Variants in DCBLD1 observed in about 807,000 individuals in gnomAD.
DCBLD1 encodes the protein discoidin, CUB and LCCL domain containing 1, also known as discoidin, CUB and LCCL domain-containing protein 1.
A neutral mutation model predicts 71.5 loss-of-function variants in DCBLD1; 57 were observed. The observed-to-expected ratio is 0.80, with a 90% CI of 0.64 to 0.99. The LOEUF is 0.99. Ranked by LOEUF, DCBLD1 falls within the 50% of genes least tolerant of loss-of-function variation. The pLI, the probability that DCBLD1 is intolerant of heterozygous loss-of-function variation, is 0.00. For synonymous variants in DCBLD1, 380 were observed against 363.8 expected, an observed-to-expected ratio of 1.04 and a Z score of -0.51; for missense variants, 891 against 923.5, an observed-to-expected ratio of 0.96 and a Z score of 0.46.
chr6:117,537,316 T>C (rs80352372), intron 7 of DCBLD1, 91 bp downstream of exon 7: 35,046 of 1,212,216 alleles, frequency 0.029, 1,421 homozygotes, highest in East Asian at 0.13. Context: ...AGGCGGATCA[T>C]GAGGTCAGGA....
At chr6:117,499,336 G>A (rs1273174699) in intron 1 of DCBLD1, among the ~76,000 whole-genome samples, 2 of 151,400 alleles carry the variant, frequency 1.3e-5, no homozygotes, top group East Asian at 1.9e-4. Context: ...GAGCCTCAGA[G>A]GTCGAGGGTG....
At chr6:117,530,299 G>A (rs1377594550) in intron 5 of DCBLD1, among the ~76,000 whole-genome samples, 1 of 152,186 alleles carries the variant, frequency 6.6e-6, no homozygotes, top group African/African-American at 2.4e-5. Flanking sequence ...TTCCACAGAC[G>A]GGGTGGGGGA....
At chr6:117,541,666 A>C (rs1273293396) in intron 11 of DCBLD1, among the ~76,000 whole-genome samples, 1 of 152,250 alleles carries the variant, frequency 6.6e-6, no homozygotes, top group Non-Finnish European at 1.5e-5. Flanking sequence ...AAGAATTTGG[A>C]AAGATTAGAA....
chr6:117,490,746 T>C (rs1777263684), intron 1 of DCBLD1, among the ~76,000 whole-genome samples: 1 of 152,188 alleles, frequency 6.6e-6, no homozygotes, highest in African/African-American at 2.4e-5. Flanking sequence ...ATAACCGCTG[T>C]TGTGGCCTTC....
At chr6:117,567,070 T>C in intron 14 of DCBLD1, 4 of 1,452,248 alleles carry the variant, frequency 2.8e-6, no homozygotes, top group Non-Finnish European at 2.8e-6. Context: ...AGTCAAGTTA[T>C]TGTAATTGTA....
chr6:117,546,579 T>C (rs1432765214), intron 14 of DCBLD1, among the ~76,000 whole-genome samples: 1 of 152,198 alleles, frequency 6.6e-6, no homozygotes, highest in African/African-American at 2.4e-5. Flanking sequence ...ACCTAATTTC[T>C]GTTGTCTTAT....
intron 5 of DCBLD1, among the ~76,000 whole-genome samples, chr6:117,530,645 C>T (rs1236424818): frequency 1.3e-5 from 2 of 152,198 alleles, no homozygotes; most frequent in African/African-American, 4.8e-5. Context: ...AGTGGAATGA[C>T]TTGCATATAC....
At chr6:117,495,960 T>G (rs1777455131) in intron 1 of DCBLD1, among the ~76,000 whole-genome samples, 1 of 152,228 alleles carries the variant, frequency 6.6e-6, no homozygotes, top group Non-Finnish European at 1.5e-5. Context: ...TTTAAATGAT[T>G]TGATTCATTT....
intron 5 of DCBLD1, among the ~76,000 whole-genome samples, chr6:117,530,230 C>T (rs1462469845): frequency 6.6e-6 from 1 of 152,164 alleles, no homozygotes; most frequent in Non-Finnish European, 1.5e-5. Context: ...AGAAAAGACA[C>T]TAGACCAGCA....
intron 11 of DCBLD1, 42 bp from the exon 12 acceptor site, chr6:117,543,082 G>T: frequency 6.6e-7 from 1 of 1,524,002 alleles, no homozygotes; most frequent in South Asian, 1.1e-5. Flanking sequence ...AGTGGTTGTT[G>T]GTCATTTATG....
chr6:117,499,455 C>T (rs1164109846), intron 1 of DCBLD1, among the ~76,000 whole-genome samples: 1 of 151,524 alleles, frequency 6.6e-6, no homozygotes, highest in East Asian at 1.9e-4. Context: ...TAACAAAATG[C>T]AAAGAGTATA....
intron 14 of DCBLD1, among the ~76,000 whole-genome samples, chr6:117,547,342 T>C (rs1224789990): frequency 1.3e-5 from 2 of 152,132 alleles, no homozygotes; most frequent in African/African-American, 4.8e-5. Context: ...TAAAATGGAG[T>C]AACAGTTCCT....
chr6:117,491,111 T>G (rs1777278383), intron 1 of DCBLD1, among the ~76,000 whole-genome samples: 2 of 152,140 alleles, frequency 1.3e-5, no homozygotes, highest in Non-Finnish European at 1.5e-5. Flanking sequence ...AATGGCTGAG[T>G]GGATTTAATT....
At chr6:117,558,647 C>G (rs562082954) in intron 14 of DCBLD1, among the ~76,000 whole-genome samples, 139 of 152,214 alleles carry the variant, frequency 9.1e-4, no homozygotes, top group Non-Finnish European at 1.5e-3. Flanking sequence ...GGTACAAGCT[C>G]CAAGATTCAT....
intron 1 of DCBLD1, among the ~76,000 whole-genome samples, chr6:117,489,688 T>C (rs1258744168): frequency 2.6e-5 from 4 of 152,014 alleles, no homozygotes; most frequent in African/African-American, 9.7e-5. Flanking sequence ...ATCAAGACCA[T>C]CATGGTCTAA....
At chr6:117,511,036 C>T (rs577824031) in intron 2 of DCBLD1, among the ~76,000 whole-genome samples, 97 of 152,160 alleles carry the variant, frequency 6.4e-4, no homozygotes, top group Non-Finnish European at 7.1e-4. Flanking sequence ...GATCACTTAG[C>T]GGGACCTGGG....
intron 5 of DCBLD1, among the ~76,000 whole-genome samples, chr6:117,528,537 T>C (rs1778614644): frequency 6.6e-6 from 1 of 152,208 alleles, no homozygotes; most frequent in South Asian, 2.1e-4. Context: ...AAGAAAATTC[T>C]GGGATGATTT....
intron 1 of DCBLD1, among the ~76,000 whole-genome samples, chr6:117,486,354 C>T (rs1283070289): frequency 6.6e-5 from 10 of 152,230 alleles, no homozygotes; most frequent in Admixed American, 6.5e-4. Flanking sequence ...ATAAAGTCAA[C>T]TCTGTACGTA....
exon 15 of DCBLD1, chr6:117,569,845 G>T: frequency 8.3e-7 from 1 of 1,204,596 alleles, no homozygotes; most frequent in Non-Finnish European, 1.1e-6. Context: ...AAACACCTAT[G>T]CTGTCTCTAT....
Sources: allele counts gnomAD v4.1 joint callset (sites outside exome capture counted in the v4.1 genomes callset), GRCh38; gene constraint gnomAD v4.1.1; transcripts MANE v1.5; gene names NCBI Gene and HGNC (gene_info 2026-07-23, HGNC 2026-07-21).